The following IP6K1 variants were observed in gnomAD, a reference collection of about 807,000 sequenced individuals.
The protein encoded by IP6K1 is ATP:1D-myo-inositol-hexakisphosphate phosphotransferase.
In IP6K1, 13 loss-of-function variants were observed where a neutral mutation model predicts 38.3. The ratio of observed to expected loss-of-function variants is 0.34; its 90% CI spans 0.22 to 0.54. IP6K1 has a LOEUF of 0.54. Among genes scored for constraint, IP6K1 ranks in the 20% least tolerant of loss-of-function variants. IP6K1 has a pLI of 0.92. For synonymous variants in IP6K1, 212 were observed against 229.9 expected, an observed-to-expected ratio of 0.92 and a Z score of 0.70; for missense variants, 397 against 599.8, an observed-to-expected ratio of 0.66 and a Z score of 3.53.
intron 2 of IP6K1, among the ~76,000 whole-genome samples, chr3:49,746,604 G>A (rs1443707323): frequency 6.8e-6 from 1 of 148,074 alleles, no homozygotes; most frequent in South Asian, 2.2e-4. Flanking sequence ...GAACCCGGGA[G>A]TTGGAGGTTG....
rs1037630699 is a variant in IP6K1, at chr3:49,786,464, T to C, written c.-239A>G. ...GGCAGCACAGGTGGCTGAGCACCGC[T>C]ACAGCGGCCTCTCACCGGCCGCTTG... On this transcript the variant is annotated 5_prime_UTR_variant, in exon 1 of 6. Transcript: ENST00000321599. 1.3e-5 allele frequency: 2 copies of C among 152,326 alleles called. No homozygotes were observed. The highest frequency in any genetic ancestry group is 6.5e-5 in the Admixed American group (1 of 15,292). 9.4% of individuals were successfully genotyped at this position (152,326 alleles called of 1,614,324 possible).
At chr3:49,738,542 C>T in intron 2 of IP6K1, 120 bp from the exon 3 acceptor site, 1 of 721,926 alleles carries the variant, frequency 1.4e-6, no homozygotes, top group Middle Eastern at 2.5e-4. Context: ...GAACCAACTA[C>T]AGATCAATAT....
At chr3:49,750,511 A>C (rs2080763452) in intron 1 of IP6K1, among the ~76,000 whole-genome samples, 2 of 152,108 alleles carry the variant, frequency 1.3e-5, no homozygotes, top group Admixed American at 1.3e-4. Context: ...CCTGGCCAAC[A>C]TGGCGAAACC....
At chr3:49,756,849 G>T (rs866144370) in intron 1 of IP6K1, among the ~76,000 whole-genome samples, 1 of 135,232 alleles carries the variant, frequency 7.4e-6, no homozygotes, top group Non-Finnish European at 1.6e-5. Flanking sequence ...AAAGAAAAAA[G>T]AAAGAAAGGA....
intron 1 of IP6K1, among the ~76,000 whole-genome samples, chr3:49,784,639 C>T (rs1325185779): frequency 2.3e-5 from 3 of 130,034 alleles, no homozygotes; most frequent in African/African-American, 8.8e-5. Context: ...AACGAGACTT[C>T]GTCTCAGAAA....
chr3:49,771,211 A>C (rs1052826921), intron 1 of IP6K1, among the ~76,000 whole-genome samples: 59 of 137,328 alleles, frequency 4.3e-4, no homozygotes, highest in Non-Finnish European at 8.2e-4. Context: ...AAAAAAAAAA[A>C]ACCCTGCCAG....
At chr3:49,775,713 T>C (rs2081001415) in intron 1 of IP6K1, 1 of 398,168 alleles carries the variant, frequency 2.5e-6, no homozygotes, top group Non-Finnish European at 4.5e-6. Flanking sequence ...GCCCAGAGCA[T>C]CACCAGGAGT....
rs142704958 is a variant in IP6K1 at position 49,727,740 on chromosome 3, AC to A, written c.793-86del. On this transcript the variant is annotated intron_variant, in intron 5 of 5. Transcript: ENST00000321599. The surrounding 1 kb of genome is among the most constrained non-coding windows in gnomAD (Gnocchi z 5.9). ...CCTGGGCAAACACTGTCTGGAAGGG[AC>A]TTTGACCAACCTGAGCTTTTCTGCT... 1.2e-3 allele frequency: 1,662 copies of A among 1,376,236 alleles called. 39 individuals are homozygous for A. The East Asian group carries it at 0.038, about 31-fold the overall frequency. 85.3% of individuals were successfully genotyped at this position (1,376,236 alleles called of 1,614,324 possible).
Position 49,728,254 on chromosome 3 carries a change from A to C in IP6K1, c.641T>G (p.Val214Gly), listed in dbSNP as rs1009022129. The change falls in exon 5 of 6, where the codon GTG (valine) becomes GGG (glycine). Residue 214 changes from valine (V) to glycine (G), a missense_variant. Coordinates refer to ENST00000321599, the MANE Select transcript of IP6K1 (RefSeq NM_153273.4). ...CACGCAGGGGTACTTGAAGTGGTGC[A>C]CCACGTTCTCAAGCAGGAGGAACTC... ...LYKFLLLENV[V>G]HHFKYPCVLD... The C allele has an allele frequency of 6.2e-7, 1 of 1,613,662 alleles. No homozygotes were observed. The highest frequency in any genetic ancestry group is 1.3e-5 in the African/African-American group (1 of 74,926).
chr3:49,751,266 G>T (rs948276670), intron 1 of IP6K1, among the ~76,000 whole-genome samples: 1 of 151,820 alleles, frequency 6.6e-6, no homozygotes, highest in Non-Finnish European at 1.5e-5. Context: ...AGCGATTCTC[G>T]TGCCTCAGCC....
At chr3:49,785,128 T>A (rs1249252272) in intron 1 of IP6K1, among the ~76,000 whole-genome samples, 2 of 152,166 alleles carry the variant, frequency 1.3e-5, no homozygotes, top group Non-Finnish European at 2.9e-5. Context: ...ACCTGCACAC[T>A]CTACTGAGGA....
chr3:49,777,340 T>C (rs895723084), intron 1 of IP6K1, among the ~76,000 whole-genome samples: 6 of 152,002 alleles, frequency 3.9e-5, no homozygotes, highest in Admixed American at 6.6e-5. Context: ...GGTGGATGGA[T>C]TGCCTGAGGT....
chr3:49,766,254 T>A (rs187827052), intron 1 of IP6K1, among the ~76,000 whole-genome samples: 1 of 151,768 alleles, frequency 6.6e-6, no homozygotes. Flanking sequence ...AGTCCCAGCA[T>A]CTCGGGAGTC....
chr3:49,750,541 A>G (rs758150794), intron 1 of IP6K1, among the ~76,000 whole-genome samples: 1 of 151,280 alleles, frequency 6.6e-6, no homozygotes, highest in Non-Finnish European at 1.5e-5. Context: ...CTAAAAATAC[A>G]AAAAAAAAGG....
In IP6K1 at chr3:49,725,545, C is replaced by A. The variant is rs1194625567; in HGVS notation, c.*1577G>T. ...GACCAGGAAATGAGTCCATCAGTTA[C>A]CAAGGCTTCTCACAGCTGGCAGGCT... On this transcript the variant is annotated 3_prime_UTR_variant, in exon 6 of 6. Transcript: ENST00000321599. 1 of 152,698 alleles carries A rather than the reference C, an allele frequency of 6.5e-6. No individual in the cohort carries two copies. Among genetic ancestry groups the A allele is most frequent in the Non-Finnish European group, 1.5e-5 (1 of 68,104 alleles). 9.5% of individuals were successfully genotyped at this position (152,698 alleles called of 1,614,324 possible).
At chr3:49,767,512 G>C (rs1039159120) in intron 1 of IP6K1, among the ~76,000 whole-genome samples, 1 of 152,080 alleles carries the variant, frequency 6.6e-6, no homozygotes, top group African/African-American at 2.4e-5. Context: ...CCGGGAGGCG[G>C]AAACTGTGGT....
At chr3:49,784,946 AAAAAC>A (rs768787067) in intron 1 of IP6K1, among the ~76,000 whole-genome samples, 45 of 152,252 alleles carry the variant, frequency 3.0e-4, no homozygotes, top group Non-Finnish European at 4.1e-4. Context: ...TCCATCTCAA[AAAAAC>A]AAAACAAAAC....
intron 2 of IP6K1, among the ~76,000 whole-genome samples, chr3:49,743,329 T>C (rs932012384): frequency 6.6e-6 from 1 of 151,494 alleles, no homozygotes; most frequent in Non-Finnish European, 1.5e-5. Context: ...TCCCAGCTAC[T>C]TGGGAGGCTG....
At chr3:49,735,717 G>A (rs1365590918) in intron 3 of IP6K1, among the ~76,000 whole-genome samples, 2 of 152,168 alleles carry the variant, frequency 1.3e-5, no homozygotes, top group African/African-American at 4.8e-5. Flanking sequence ...ATGGGGTACT[G>A]TACTTGACAT....
Sources: allele counts gnomAD v4.1 joint callset (sites outside exome capture counted in the v4.1 genomes callset), GRCh38; gene constraint gnomAD v4.1.1; non-coding constraint Gnocchi (gnomAD v3.1); transcripts MANE v1.5; gene names NCBI Gene and HGNC (gene_info 2026-07-23, HGNC 2026-07-21).